Variants in KIAA1217 observed in about 807,000 individuals in gnomAD.
KIAA1217 encodes the protein KIAA1217, also known as sickle tail protein homolog.
A neutral mutation model predicts 163.9 loss-of-function variants in KIAA1217; 88 were observed. That is an observed-to-expected ratio of 0.54 (90% CI 0.45 to 0.64). The LOEUF is 0.64. Ranked by LOEUF, KIAA1217 falls within the 30% of genes least tolerant of loss-of-function variation. The pLI, the probability that KIAA1217 is intolerant of heterozygous loss-of-function variation, is 0.00. For missense variants in KIAA1217, 2,372 were observed against 2,475.0 expected (o/e 0.96, Z 0.88); for synonymous variants, 903 against 923.1 (o/e 0.98, Z 0.39).
At position 24,392,869 on chromosome 10, in the gene KIAA1217, A is replaced by G. The variant is rs149148781; in HGVS notation, c.553+11802A>G. Among the ~76,000 whole-genome samples, 58 of 152,350 alleles carry G rather than the reference A, an allele frequency of 3.8e-4. No homozygotes were observed. The East Asian group carries it at 7.5e-3, about 20-fold the overall frequency. ...GCCTCTTTTGTTTCCCTTTGCCATGAAAACTCTATCTAAAATCTGTTCACC... is the reference window on the plus strand; with the variant it reads ...GCCTCTTTTGTTTCCCTTTGCCATGGAAACTCTATCTAAAATCTGTTCACC... On this transcript the variant is annotated intron_variant, in intron 3 of 20. Coordinates refer to ENST00000376454, the MANE Select transcript of KIAA1217 (RefSeq NM_019590.5).
At chr10:23,833,591 C>T (rs1838315687) in intron 1 of KIAA1217, among the ~76,000 whole-genome samples, 1 of 151,990 alleles carries the variant, frequency 6.6e-6, no homozygotes, top group Admixed American at 6.6e-5. Flanking sequence ...TCTAACATCA[C>T]ACTTCACATC....
chr10:24,271,686 G>A (rs1189483274), intron 2 of KIAA1217, among the ~76,000 whole-genome samples: 1 of 151,938 alleles, frequency 6.6e-6, no homozygotes, highest in Admixed American at 6.6e-5. Flanking sequence ...TGGGGAGGTT[G>A]AGGCTGCAGT....
At chr10:24,419,333 C>T (rs1040327341) in intron 3 of KIAA1217, among the ~76,000 whole-genome samples, 1 of 152,092 alleles carries the variant, frequency 6.6e-6, no homozygotes, top group Non-Finnish European at 1.5e-5. Context: ...TAAGACAGCT[C>T]TCTTTTGTCA....
chr10:24,207,868 G>C (rs2067650819), upstream of KIAA1217, among the ~76,000 whole-genome samples: 1 of 152,064 alleles, frequency 6.6e-6, no homozygotes, highest in South Asian at 2.1e-4. Flanking sequence ...CAGGTCACTC[G>C]AGGTCACAAT....
At chr10:23,974,762 T>C (rs1215955227) in intron 1 of KIAA1217, among the ~76,000 whole-genome samples, 1 of 152,204 alleles carries the variant, frequency 6.6e-6, no homozygotes, top group East Asian at 1.9e-4. Flanking sequence ...CCACTGCTAC[T>C]GCTGCTACTA....
chr10:23,793,779 G>A (rs542630054), intron 1 of KIAA1217, among the ~76,000 whole-genome samples: 1 of 152,236 alleles, frequency 6.6e-6, no homozygotes, highest in South Asian at 2.1e-4. Context: ...GCCAGCCACA[G>A]GCAAGCACAA....
chr10:24,282,639 C>T (rs993019072), intron 2 of KIAA1217, among the ~76,000 whole-genome samples: 1 of 151,982 alleles, frequency 6.6e-6, no homozygotes, highest in East Asian at 1.9e-4. Context: ...TTGATATACC[C>T]TCTTCCCCTC....
In KIAA1217 at chr10:24,098,425, A is replaced by G. The variant is rs2062248809; in HGVS notation, c.-171+91051A>G. Among the ~76,000 whole-genome samples, 3 of 152,086 alleles carry G rather than the reference A, an allele frequency of 2.0e-5. No individual in the cohort carries two copies. The South Asian group carries it at 6.2e-4, about 32-fold the overall frequency. On this transcript the variant is annotated intron_variant, in intron 2 of 18. Transcript: ENST00000376462. The stretch of plus-strand genomic sequence containing the variant: ...AACCCCAAACAGAAAAGAAACCAGG[A>G]CTTTGGGGACACTAAAAGCTCACTG...
At position 24,473,770 on chromosome 10, in the gene KIAA1217, G is replaced by C. The variant is rs140749126; in HGVS notation, c.1389G>C (p.Leu463Phe). 1.2e-6 allele frequency: 2 copies of C among 1,614,092 alleles called. No homozygotes were observed. Among genetic ancestry groups the C allele is most frequent in the African/African-American group, 2.7e-5 (2 of 75,018 alleles). Residue 463 changes from leucine to phenylalanine, a missense_variant, in exon 6 of 21, where the codon TTG becomes TTC. This residue lies in a region of KIAA1217 where 1,431 missense variants were observed against 1,470.3 expected (regional missense o/e 0.97). Coordinates refer to ENST00000376454, the MANE Select transcript of KIAA1217 (RefSeq NM_019590.5). ...QKSRKYPDSH[L>F]PTLGSKTPPA... The stretch of plus-strand genomic sequence containing the variant: ...CAAGGAAATATCCGGATAGCCATTT[G>C]CCTACACTGGGCTCCAAAACACCCC...
intron 3 of KIAA1217, among the ~76,000 whole-genome samples, chr10:24,405,606 G>T (rs561987893): frequency 2.0e-5 from 3 of 152,154 alleles, no homozygotes; most frequent in Non-Finnish European, 4.4e-5. Context: ...AGGCAGAATG[G>T]TATCTAAACC....
At chr10:23,732,346 C>CA (rs1397326897) in intron 1 of KIAA1217, among the ~76,000 whole-genome samples, 2 of 151,334 alleles carry the variant, frequency 1.3e-5, no homozygotes, top group Admixed American at 6.6e-5. Context: ...CAAAAATGTT[C>CA]AAAAAAACCC....
At chr10:24,281,928 G>T (rs11596969) in intron 2 of KIAA1217, among the ~76,000 whole-genome samples, 4,150 of 152,108 alleles carry the variant, frequency 0.027, 90 homozygotes, top group South Asian at 0.049. Flanking sequence ...GTGGTGGCGG[G>T]TGCCTGTAGT....
intron 2 of KIAA1217, among the ~76,000 whole-genome samples, chr10:24,259,782 C>G (rs530377902): frequency 1.3e-5 from 2 of 152,278 alleles, no homozygotes; most frequent in African/African-American, 2.4e-5. Flanking sequence ...CCTGTGGGAT[C>G]ACTCCTCTCA....
intron 2 of KIAA1217, among the ~76,000 whole-genome samples, chr10:24,043,867 T>C (rs1034356766): frequency 6.6e-5 from 10 of 152,070 alleles, no homozygotes; most frequent in Non-Finnish European, 1.2e-4. Context: ...ATAGACTTAG[T>C]GGGTGAAAAT....
At chr10:23,913,839 G>A (rs1462045632) in intron 1 of KIAA1217, among the ~76,000 whole-genome samples, 1 of 152,124 alleles carries the variant, frequency 6.6e-6, no homozygotes, top group Admixed American at 6.5e-5. Context: ...TGGGGGTTGG[G>A]GGAGAGCAGG....
chr10:24,000,706 C>G (rs115965180), intron 1 of KIAA1217, among the ~76,000 whole-genome samples: 1 of 152,196 alleles, frequency 6.6e-6, no homozygotes, highest in African/African-American at 2.4e-5. Context: ...GTACCAAACA[C>G]GCTGGAAAGA....
rs559657213 is a variant in KIAA1217 at position 24,331,860 on chromosome 10, C to A, written c.355-49009C>A. 2.0e-5 allele frequency among the ~76,000 whole-genome samples: 3 copies of A among 152,244 alleles called. No individual in the cohort carries two copies. The South Asian group carries it at 6.2e-4, about 32-fold the overall frequency. On this transcript the variant is annotated intron_variant, in intron 2 of 20. Transcript: ENST00000376454. ...TGTTGCCCAGGCTGGAGTGCAATGG[C>A]GCGATCTCAGCTCACTGTAACCTCT...
At chr10:24,154,474 C>G (rs1390126709) in intron 2 of KIAA1217, among the ~76,000 whole-genome samples, 2 of 152,026 alleles carry the variant, frequency 1.3e-5, no homozygotes, top group African/African-American at 2.4e-5. Context: ...ATTCCTACTT[C>G]CTGACTTATT....
At chr10:24,144,461 T>C (rs1479214415) in intron 2 of KIAA1217, among the ~76,000 whole-genome samples, 1 of 152,232 alleles carries the variant, frequency 6.6e-6, no homozygotes, top group Non-Finnish European at 1.5e-5. Context: ...CCTCATGCTT[T>C]CATGGCTGAT....
Sources: allele counts gnomAD v4.1 joint callset (sites outside exome capture counted in the v4.1 genomes callset), GRCh38; gene constraint gnomAD v4.1.1; regional missense constraint gnomAD v4.1.1; transcripts MANE v1.5; gene names NCBI Gene and HGNC (gene_info 2026-07-23, HGNC 2026-07-21).